AOAH: variants seen among roughly 807,000 people sequenced by gnomAD.
AOAH encodes acyloxyacyl hydrolase.
In AOAH, 64 loss-of-function variants were observed where a neutral mutation model predicts 92.2. The ratio of observed to expected loss-of-function variants is 0.69; its 90% CI spans 0.57 to 0.86. The LOEUF (loss-of-function observed/expected upper bound fraction) is 0.86. AOAH is among the 40% of genes least tolerant of loss of function. AOAH has a pLI of 0.00. For missense variants in AOAH, 656 were observed against 694.6 expected, an observed-to-expected ratio of 0.94 and a Z score of 0.62; for synonymous variants, 263 against 254.5, an observed-to-expected ratio of 1.03 and a Z score of -0.32.
intron 3 of AOAH, among the ~76,000 whole-genome samples, chr7:36,666,681 T>C (rs1795556812): frequency 6.6e-6 from 1 of 152,132 alleles, no homozygotes; most frequent in African/African-American, 2.4e-5. Context: ...TAGGTTTTTA[T>C]GTTTTTCTAA....
chr7:36,518,750 G>T (rs920908662), intron 20 of AOAH, among the ~76,000 whole-genome samples: 47 of 152,168 alleles, frequency 3.1e-4, no homozygotes, highest in African/African-American at 1.1e-3. Flanking sequence ...AATGTATTAA[G>T]ACAGTAAAGC....
intron 18 of AOAH, chr7:36,530,762 T>G (rs1784645916): frequency 1.3e-5 from 5 of 392,352 alleles, no homozygotes; most frequent in Non-Finnish European, 1.8e-5. Context: ...TTTAACACCC[T>G]TGGGACTGGC....
chr7:36,621,489 C>T (rs576091918), intron 8 of AOAH, among the ~76,000 whole-genome samples: 7 of 152,308 alleles, frequency 4.6e-5, no homozygotes, highest in Non-Finnish European at 8.8e-5. Flanking sequence ...CCACCCAGCA[C>T]GATGCAAAGT....
intron 16 of AOAH, among the ~76,000 whole-genome samples, chr7:36,532,564 C>T (rs1463118864): frequency 1.3e-5 from 2 of 152,190 alleles, no homozygotes; most frequent in African/African-American, 2.4e-5. Flanking sequence ...GAGGAACTCA[C>T]TGCCATATAG....
intron 13 of AOAH, 101 bp downstream of exon 13, chr7:36,576,473 C>A (rs2116634847): frequency 1.4e-6 from 1 of 712,250 alleles, no homozygotes; most frequent in Non-Finnish European, 2.3e-6. Context: ...TCATTTTATT[C>A]TGTGATCCTT....
intron 6 of AOAH, among the ~76,000 whole-genome samples, chr7:36,626,325 A>G (rs1792662268): frequency 6.6e-6 from 1 of 152,234 alleles, no homozygotes; most frequent in Non-Finnish European, 1.5e-5. Context: ...CTTGGGGGTG[A>G]GAGTTTGTCC....
intron 13 of AOAH, among the ~76,000 whole-genome samples, chr7:36,552,492 T>C (rs1407281368): frequency 6.6e-6 from 1 of 152,226 alleles, no homozygotes; most frequent in Non-Finnish European, 1.5e-5. Context: ...TATAACAGAA[T>C]GATTTATATC....
At chr7:36,677,229 C>T (rs1203574684) in intron 2 of AOAH, among the ~76,000 whole-genome samples, 1 of 152,100 alleles carries the variant, frequency 6.6e-6, no homozygotes, top group Non-Finnish European at 1.5e-5. Flanking sequence ...AGGACTATTA[C>T]AACTCAATAA....
intron 13 of AOAH, among the ~76,000 whole-genome samples, chr7:36,554,258 T>C (rs1583804083): frequency 6.6e-6 from 1 of 152,230 alleles, no homozygotes; most frequent in Non-Finnish European, 1.5e-5. Flanking sequence ...CCCCATTGCT[T>C]GTTTTTCTCA....
chr7:36,637,754 A>C, intron 5 of AOAH, 97 bp downstream of exon 5: 1 of 1,088,306 alleles, frequency 9.2e-7, no homozygotes, highest in Non-Finnish European at 1.4e-6. Context: ...GCAGGCTTAT[A>C]TCCGGAGTAG....
At chr7:36,682,766 T>A (rs1796730038) in intron 2 of AOAH, among the ~76,000 whole-genome samples, 1 of 151,282 alleles carries the variant, frequency 6.6e-6, no homozygotes, top group African/African-American at 2.4e-5. Flanking sequence ...AGGTCTTAAG[T>A]GAAATAGAAG....
chr7:36,531,461 C>T (rs555135845), intron 18 of AOAH, among the ~76,000 whole-genome samples: 1 of 152,228 alleles, frequency 6.6e-6, no homozygotes, highest in East Asian at 1.9e-4. Flanking sequence ...ATTCTCATGC[C>T]TCAGCCTCCT....
At chr7:36,720,400 TGA>T (rs1458717427) in intron 1 of AOAH, among the ~76,000 whole-genome samples, 3 of 152,052 alleles carry the variant, frequency 2.0e-5, no homozygotes, top group African/African-American at 7.2e-5. Context: ...CTCAATCTGC[TGA>T]CCTCGTGATC....
At chr7:36,621,543 C>T (rs1035124296) in intron 8 of AOAH, among the ~76,000 whole-genome samples, 167 bp downstream of exon 8, 3 of 152,200 alleles carry the variant, frequency 2.0e-5, no homozygotes, top group Non-Finnish European at 2.9e-5. Context: ...CTCGGACAAA[C>T]GAACGAATGA....
chr7:36,699,683 T>G (rs1233149576), intron 1 of AOAH, among the ~76,000 whole-genome samples: 1 of 151,680 alleles, frequency 6.6e-6, no homozygotes, highest in East Asian at 1.9e-4. Context: ...TTCTTATATA[T>G]TCTTGTTATT....
At chr7:36,632,270 A>G (rs1203724764) in intron 5 of AOAH, among the ~76,000 whole-genome samples, 164 bp from the exon 6 acceptor site, 2 of 151,950 alleles carry the variant, frequency 1.3e-5, no homozygotes, top group African/African-American at 4.8e-5. Flanking sequence ...CCCACCATCC[A>G]TATCCATGCC....
At chr7:36,581,919 A>C (rs1410756099) in intron 12 of AOAH, among the ~76,000 whole-genome samples, 1 of 152,184 alleles carries the variant, frequency 6.6e-6, no homozygotes, top group Non-Finnish European at 1.5e-5. Context: ...TCTCTCTTAT[A>C]TATTTTAGGA....
chr7:36,681,655 A>G lies in AOAH; in HGVS notation c.223+5044T>C, dbSNP rs146843652. ...CCCCGTGTCTACTAAAAATGCAAAA[A>G]TTAGCCAGGCATCCTGATGGGTATA... is the stretch of plus-strand genomic sequence containing the variant. On this transcript the variant is annotated intron_variant, in intron 2 of 20. Coordinates refer to ENST00000617537, the MANE Select transcript of AOAH (RefSeq NM_001637.4). Among the ~76,000 whole-genome samples the G allele has an allele frequency of 7.5e-4, 114 of 152,176 alleles. 1 individual carries two copies. The East Asian group carries it at 0.021, about 28-fold the overall frequency.
At chr7:36,568,649 C>T (rs1787882358) in intron 13 of AOAH, among the ~76,000 whole-genome samples, 2 of 152,172 alleles carry the variant, frequency 1.3e-5, no homozygotes, top group African/African-American at 4.8e-5. Flanking sequence ...TGGGGTTTCC[C>T]TTCACTCTGA....
Sources: gnomAD v4.1 joint callset for allele counts (sites outside exome capture counted in the v4.1 genomes callset) on GRCh38, gnomAD v4.1.1 for gene constraint, MANE v1.5 for transcripts, NCBI Gene and HGNC (gene_info 2026-07-23, HGNC 2026-07-21) for gene names.